MAGI2: variants seen among roughly 807,000 people sequenced by gnomAD.
MAGI2 encodes membrane associated guanylate kinase, WW and PDZ domain containing 2.
Under a neutral mutation model 133.3 loss-of-function variants are expected in MAGI2, and 35 were observed. The ratio of observed to expected loss-of-function variants is 0.26; its 90% confidence interval spans 0.20 to 0.35. The LOEUF (loss-of-function observed/expected upper bound fraction) is 0.35. Ranked by LOEUF, MAGI2 falls within the 10% of genes least tolerant of loss-of-function variation. MAGI2 has a pLI of 1.00. For missense variants in MAGI2, 1,636 were observed against 1,863.4 expected, an observed-to-expected ratio of 0.88 and a Z score of 2.25; for synonymous variants, 729 against 710.6, an observed-to-expected ratio of 1.03 and a Z score of -0.41.
chr7:78,253,854 A>T (rs1792687666), intron 10 of MAGI2: 1 of 152,168 alleles, frequency 6.6e-6, no homozygotes, highest in South Asian at 2.1e-4. Context: ...TCAGCTCTTG[A>T]GTCTGCTTAT....
intron 2 of MAGI2, among the ~76,000 whole-genome samples, chr7:78,948,171 C>A (rs997974500): frequency 2.6e-5 from 4 of 152,000 alleles, no homozygotes; most frequent in Admixed American, 1.3e-4. Context: ...GCCATACTGC[C>A]TTGAAAATTA....
chr7:78,086,443 G>T (rs978134334), intron 20 of MAGI2, among the ~76,000 whole-genome samples: 1 of 151,198 alleles, frequency 6.6e-6, no homozygotes, highest in African/African-American at 2.4e-5. Context: ...TACCATGTTG[G>T]CCAGGCTGGT....
At chr7:79,388,150 A>G (rs1451049042) in intron 1 of MAGI2, among the ~76,000 whole-genome samples, 1 of 151,958 alleles carries the variant, frequency 6.6e-6, no homozygotes, top group East Asian at 1.9e-4. Context: ...TGGCTCTGGT[A>G]TAATTCTCTT....
rs536068402 is a variant in MAGI2, at chr7:79,071,339, C to T, written c.302-64133G>A. On this transcript the variant is annotated intron_variant, in intron 1 of 21. Coordinates refer to ENST00000354212, the MANE Select transcript of MAGI2 (RefSeq NM_012301.4). ...CTGGAAGCTTCGTCCTAGAGGGGCACCCCCCCAGATGCCAGCCATAGCTCT... is the reference window on the plus strand; with the variant it reads ...CTGGAAGCTTCGTCCTAGAGGGGCATCCCCCCAGATGCCAGCCATAGCTCT... 4.6e-5 allele frequency among the ~76,000 whole-genome samples: 7 copies of T among 151,362 alleles called. No individual in the cohort carries two copies. The South Asian group carries it at 1.4e-3, about 31-fold the overall frequency.
At chr7:78,733,763 C>T (rs1253165933) in intron 2 of MAGI2, among the ~76,000 whole-genome samples, 2 of 152,070 alleles carry the variant, frequency 1.3e-5, no homozygotes, top group Admixed American at 6.6e-5. Flanking sequence ...ACATTCATGC[C>T]TTTAAGGAAT....
chr7:79,209,708 T>C (rs1191524574), intron 1 of MAGI2, among the ~76,000 whole-genome samples: 1 of 152,082 alleles, frequency 6.6e-6, no homozygotes, highest in Non-Finnish European at 1.5e-5. Context: ...TTTCTGTATA[T>C]TGTGAACACA....
intron 1 of MAGI2, among the ~76,000 whole-genome samples, chr7:79,346,295 T>C (rs1444084454): frequency 6.6e-6 from 1 of 152,086 alleles, no homozygotes; most frequent in Non-Finnish European, 1.5e-5. Context: ...CAAATACTCA[T>C]ATAATTTCCT....
intron 9 of MAGI2, among the ~76,000 whole-genome samples, chr7:78,340,136 T>C (rs1286077041): frequency 2.0e-5 from 3 of 152,176 alleles, no homozygotes; most frequent in African/African-American, 7.2e-5. Context: ...AATTTTTGTA[T>C]CTATTAGAAC....
At chr7:78,803,885 A>T (rs910438138) in intron 2 of MAGI2, among the ~76,000 whole-genome samples, 8 of 152,260 alleles carry the variant, frequency 5.3e-5, no homozygotes, top group African/African-American at 1.9e-4. Context: ...ACCATTTAGT[A>T]TTAAAATTGT....
intron 1 of MAGI2, among the ~76,000 whole-genome samples, chr7:79,012,823 G>C (rs537133140): frequency 2.0e-4 from 29 of 146,070 alleles, no homozygotes; most frequent in African/African-American, 7.4e-4. Flanking sequence ...GAGTCAGAAA[G>C]TCCAAGATTA....
chr7:78,991,760 T>C (rs919714710), intron 2 of MAGI2, among the ~76,000 whole-genome samples: 4 of 152,144 alleles, frequency 2.6e-5, no homozygotes, highest in South Asian at 4.1e-4. Context: ...TATGGATCCA[T>C]TTTTCTCAGT....
chr7:78,967,092 C>A (rs1803381804), intron 2 of MAGI2, among the ~76,000 whole-genome samples: 2 of 151,750 alleles, frequency 1.3e-5, no homozygotes, highest in African/African-American at 2.4e-5. Context: ...TGTACAGCAT[C>A]TTGCTGGTCT....
chr7:79,306,860 C>T lies in MAGI2; in HGVS notation c.301+146160G>A, dbSNP rs141811336. On this transcript the variant is annotated intron_variant, in intron 1 of 21. Transcript: ENST00000354212. ...GATGGAGTCTAGCTCTGTCACCAGGCTGGAGTGCAGTGGTGTGATCTTGGC... is the reference window on the plus strand; with the variant it reads ...GATGGAGTCTAGCTCTGTCACCAGGTTGGAGTGCAGTGGTGTGATCTTGGC... Among the ~76,000 whole-genome samples, 232 of 151,776 alleles carry T rather than the reference C, an allele frequency of 1.5e-3. 1 individual carries two copies. Among genetic ancestry groups the T allele is most frequent in the African/African-American group, 5.1e-3 (212 of 41,372 alleles).
At chr7:78,206,976 A>C (rs887634523) in intron 10 of MAGI2, among the ~76,000 whole-genome samples, 9 of 152,346 alleles carry the variant, frequency 5.9e-5, no homozygotes, top group African/African-American at 1.9e-4. Context: ...AATACACTTA[A>C]CATTGTTGAG....
chr7:78,684,567 T>C (rs1391174042), intron 2 of MAGI2, among the ~76,000 whole-genome samples: 1 of 152,154 alleles, frequency 6.6e-6, no homozygotes, highest in Non-Finnish European at 1.5e-5. Context: ...ATGGATATAA[T>C]GTGTTTCTTA....
chr7:78,130,141 T>C (rs1821416227), intron 18 of MAGI2, among the ~76,000 whole-genome samples: 1 of 152,164 alleles, frequency 6.6e-6, no homozygotes, highest in Non-Finnish European at 1.5e-5. Context: ...TTCTGTTGTT[T>C]TCAACAAATG....
intron 12 of MAGI2, among the ~76,000 whole-genome samples, chr7:78,186,820 T>C (rs756744380): frequency 7.9e-5 from 12 of 152,192 alleles, no homozygotes; most frequent in Non-Finnish European, 1.3e-4. Flanking sequence ...TTATTATGAA[T>C]AAATAATACA....
At chr7:79,448,404 C>T (rs1200399604) in intron 1 of MAGI2, among the ~76,000 whole-genome samples, 2 of 152,104 alleles carry the variant, frequency 1.3e-5, no homozygotes, top group South Asian at 2.1e-4. Context: ...AAATTAAAAA[C>T]ACCTCATAAT....
intron 1 of MAGI2, among the ~76,000 whole-genome samples, chr7:79,146,603 A>G (rs577372347): frequency 6.6e-6 from 1 of 152,216 alleles, no homozygotes; most frequent in Non-Finnish European, 1.5e-5. Context: ...GTGGTAATGA[A>G]TAAGTGTCAC....
Sources: gnomAD v4.1 joint callset for allele counts (sites outside exome capture counted in the v4.1 genomes callset) on GRCh38, gnomAD v4.1.1 for gene constraint, MANE v1.5 for transcripts, NCBI Gene and HGNC (gene_info 2026-07-23, HGNC 2026-07-21) for gene names.